The following SLC25A26 variants were observed in gnomAD, a reference collection of about 807,000 sequenced individuals.
SLC25A26 encodes the protein solute carrier family 25 member 26.
A neutral mutation model predicts 37.8 loss-of-function variants in SLC25A26; 36 were observed. The observed-to-expected ratio is 0.95, with a 90% CI of 0.73 to 1.26. The LOEUF is 1.26. SLC25A26 is among the 50% of genes most tolerant of loss of function. The pLI is 0.00. For missense variants in SLC25A26, 390 were observed against 331.1 expected (o/e 1.18, Z -1.38); for synonymous variants, 129 against 122.5 (o/e 1.05, Z -0.35).
In SLC25A26 at chr3:66,347,547, A is replaced by G. The variant is rs192878765; in HGVS notation, c.498+1139A>G. Among the ~76,000 whole-genome samples, 534 of 152,346 alleles carry G rather than the reference A, an allele frequency of 3.5e-3. 2 individuals carry two copies. Among genetic ancestry groups the G allele is most frequent in the Non-Finnish European group, 6.0e-3 (405 of 68,028 alleles). ...GGTGGGAATGTAAATTAGTTCAACC[A>G]TTGTGGAAGACAGTGTGGCGATTTC... is the stretch of plus-strand genomic sequence containing the variant. On this transcript the variant is annotated intron_variant, in intron 6 of 9. Transcript: ENST00000354883.
chr3:66,137,416 CAG>C, intron 1 of SLC25A26, among the ~76,000 whole-genome samples: 1 of 152,042 alleles, frequency 6.6e-6, no homozygotes, highest in East Asian at 1.9e-4. Context: ...TTAGTAGAGA[CAG>C]GGTTTCACCA....
At chr3:66,298,630 C>G (rs1182255933) in intron 5 of SLC25A26, among the ~76,000 whole-genome samples, 1 of 152,154 alleles carries the variant, frequency 6.6e-6, no homozygotes, top group Non-Finnish European at 1.5e-5. Context: ...GGATTTCTTA[C>G]CCATTTTAAG....
intron 5 of SLC25A26, among the ~76,000 whole-genome samples, chr3:66,344,488 C>T (rs970704843): frequency 6.6e-6 from 1 of 152,134 alleles, no homozygotes; most frequent in Non-Finnish European, 1.5e-5. Flanking sequence ...ATAACAATGC[C>T]CTCAATTCAC....
rs1490570908 is a variant in SLC25A26 at position 66,150,543 on chromosome 3, AT to A, written c.-354+16560del. On this transcript the variant is annotated intron_variant, in intron 1 of 10. Transcript: ENST00000676754. ...TATAATGATATATATATATATATAT[AT>A]AAAATATATATAATGATATATATAA... Among the ~76,000 whole-genome samples, 236 of 132,368 alleles carry A rather than the reference AT, an allele frequency of 1.8e-3. 1 individual carries two copies. Among genetic ancestry groups the A allele is most frequent in the Middle Eastern group, 3.7e-3 (1 of 268 alleles). 86.8% of individuals were successfully genotyped at this position (132,368 alleles called of 152,430 possible).
intron 5 of SLC25A26, among the ~76,000 whole-genome samples, chr3:66,305,206 C>G (rs1048899159): frequency 6.6e-6 from 1 of 152,278 alleles, no homozygotes; most frequent in East Asian, 1.9e-4. Context: ...GGAGAAGCAG[C>G]GTCTAAATTT....
At chr3:66,352,396 G>GTGC (rs2076473690) in intron 6 of SLC25A26, among the ~76,000 whole-genome samples, 1 of 150,444 alleles carries the variant, frequency 6.6e-6, no homozygotes, top group African/African-American at 2.5e-5. Context: ...TGCGCTGACT[G>GTGC]TGCTGCTGCC....
intron 5 of SLC25A26, among the ~76,000 whole-genome samples, chr3:66,319,350 G>A (rs1420341644): frequency 1.2e-4 from 18 of 152,128 alleles, no homozygotes; most frequent in South Asian, 2.1e-4. Flanking sequence ...TTATGGCTAC[G>A]AAAATAACTA....
chr3:66,293,426 T>C (rs913399115), intron 5 of SLC25A26, among the ~76,000 whole-genome samples: 3 of 152,088 alleles, frequency 2.0e-5, no homozygotes, highest in African/African-American at 7.2e-5. Flanking sequence ...TACTGGTTTG[T>C]TATGTAGGGA....
chr3:66,342,368 T>C (rs1355207051), intron 5 of SLC25A26, among the ~76,000 whole-genome samples: 1 of 152,212 alleles, frequency 6.6e-6, no homozygotes, highest in Non-Finnish European at 1.5e-5. Context: ...GTGGTGGCAT[T>C]ATGTTCATTG....
At chr3:66,253,661 C>A (rs1003282218) in intron 3 of SLC25A26, among the ~76,000 whole-genome samples, 7 of 151,992 alleles carry the variant, frequency 4.6e-5, no homozygotes, top group African/African-American at 9.7e-5. Context: ...TCAGGAAGAC[C>A]CATTTTGGAA....
chr3:66,210,396 A>C (rs1012651917), intron 1 of SLC25A26, among the ~76,000 whole-genome samples: 38,002 of 151,984 alleles, frequency 0.25, 5,180 homozygotes, highest in African/African-American at 0.36. Flanking sequence ...TTGAACTGGA[A>C]AAGACAGTCT....
In SLC25A26 at chr3:66,241,860, C is replaced by A. The variant is rs557353124; in HGVS notation, c.191-1343C>A. Among the ~76,000 whole-genome samples the A allele has an allele frequency of 4.0e-5, 6 of 151,150 alleles. No individual in the cohort carries two copies. The South Asian group carries it at 1.3e-3, about 32-fold the overall frequency. ...AGATGGAAAGAGGTGAAGAGAAGACCATGTTTAGGAGCCTTAGTCCCTATT... is the reference window on the plus strand; with the variant it reads ...AGATGGAAAGAGGTGAAGAGAAGACAATGTTTAGGAGCCTTAGTCCCTATT... On this transcript the variant is annotated intron_variant, in intron 2 of 9. Coordinates refer to ENST00000354883, the MANE Select transcript of SLC25A26 (RefSeq NM_001379210.1).
chr3:66,144,326 C>G (rs2070083152), intron 1 of SLC25A26, among the ~76,000 whole-genome samples: 1 of 152,110 alleles, frequency 6.6e-6, no homozygotes, highest in Non-Finnish European at 1.5e-5. Context: ...CACCACAATC[C>G]TGGAGGAAGA....
At chr3:66,156,729 G>C (rs549920235) in intron 1 of SLC25A26, among the ~76,000 whole-genome samples, 1 of 152,192 alleles carries the variant, frequency 6.6e-6, no homozygotes, top group African/African-American at 2.4e-5. Flanking sequence ...AAAAAGCTCT[G>C]AGTGGCTCAG....
chr3:66,190,819 G>A (rs1244958640), intron 1 of SLC25A26, among the ~76,000 whole-genome samples: 5 of 152,134 alleles, frequency 3.3e-5, no homozygotes, highest in African/African-American at 1.2e-4. Context: ...GCTTTAACTC[G>A]CAAGAAATTA....
At chr3:66,203,401 A>C (rs1371535945) in intron 1 of SLC25A26, among the ~76,000 whole-genome samples, 1 of 152,044 alleles carries the variant, frequency 6.6e-6, no homozygotes, top group African/African-American at 2.4e-5. Flanking sequence ...AAAAAAAAAA[A>C]CTTAAGCCCA....
rs1163896979 is a variant in SLC25A26, at chr3:66,369,558, A to G, written c.633+16A>G. ...GCTGGCAAAGGTAAGTGGTGAAATA[A>G]TGTAATGGAGATACTTCAGATGCTC... is the stretch of plus-strand genomic sequence containing the variant. On this transcript the variant is annotated intron_variant, in intron 8 of 9. Coordinates refer to ENST00000354883, the MANE Select transcript of SLC25A26 (RefSeq NM_001379210.1). 4 of 1,575,712 alleles carry G rather than the reference A, an allele frequency of 2.5e-6. No homozygotes were observed. In the African/African-American group the frequency reaches 4.0e-5, roughly 16 times the overall value.
chr3:66,324,362 T>C (rs961253604), intron 5 of SLC25A26, among the ~76,000 whole-genome samples: 2 of 152,044 alleles, frequency 1.3e-5, no homozygotes, highest in Non-Finnish European at 2.9e-5. Context: ...TTGAGCCAGA[T>C]TTTATTGGTC....
chr3:66,374,341 T>C (rs1559752177), intron 9 of SLC25A26, among the ~76,000 whole-genome samples: 2 of 152,250 alleles, frequency 1.3e-5, no homozygotes, highest in South Asian at 4.1e-4. Flanking sequence ...GCTGTGGTGA[T>C]CTGTGATCAG....
Sources: allele counts gnomAD v4.1 joint callset (sites outside exome capture counted in the v4.1 genomes callset), GRCh38; gene constraint gnomAD v4.1.1; transcripts MANE v1.5; gene names NCBI Gene and HGNC (gene_info 2026-07-23, HGNC 2026-07-21).